The following HMX1 variants were observed in gnomAD, a reference collection of about 807,000 sequenced individuals.
HMX1 encodes H6 family homeobox 1.
A neutral mutation model predicts 8.9 loss-of-function variants in HMX1; 8 were observed. That is an observed-to-expected ratio of 0.90 (90% CI 0.53 to 1.63). The LOEUF (loss-of-function observed/expected upper bound fraction) is 1.63. Ranked by LOEUF, HMX1 falls within the 40% of genes most tolerant of loss-of-function variation. The pLI is 0.00. For missense variants in HMX1, 621 were observed against 558.5 expected, an observed-to-expected ratio of 1.11 and a Z score of -1.13; for synonymous variants, 311 against 283.4, an observed-to-expected ratio of 1.10 and a Z score of -0.98.
chr4:8,860,629 G>C (rs555438512), intron 1 of HMX1: 1 of 152,356 alleles, frequency 6.6e-6, no homozygotes, highest in African/African-American at 2.4e-5. Flanking sequence ...AAGACGCAAG[G>C]CGGCCCGCCG....
In HMX1 at chr4:8,868,135, C is replaced by G. The variant is rs772401366; in HGVS notation, c.605G>C (p.Arg202Pro). Residue 202 changes from arginine (R) to proline (P), a missense_variant, in exon 2 of 2, where the codon CGA (arginine) becomes CCA (proline). Arg to Pro is a moderately radical substitution (Grantham distance 103, BLOSUM62 -2). Transcript: ENST00000400677. The surrounding 1 kb of genome is among the most constrained non-coding windows in gnomAD (Gnocchi z 4.6). ...GAAGACTGTGCGCGTCTTCTTCTTT[C>G]GGCCGCCGCCCACGCCAACGCCGCC... ...TRGGVGVGGG[R>P]KKKTRTVFSR... is the part of the protein sequence containing the mutation. 3 of 1,510,658 alleles carry G rather than the reference C, an allele frequency of 2.0e-6. No homozygotes were observed. The highest frequency in any genetic ancestry group is 2.6e-6 in the Non-Finnish European group (3 of 1,134,376). The allele number at this position is 1,510,658 out of a possible 1,614,324, so 93.6% of individuals were successfully genotyped here. A position where few individuals can be genotyped will look rare whatever the true frequency, so the allele number is the denominator to read the frequency against.
chr4:8,859,769 T>C (rs1009506652), intron 1 of HMX1, among the ~76,000 whole-genome samples: 12 of 152,182 alleles, frequency 7.9e-5, no homozygotes, highest in Admixed American at 7.2e-4. Flanking sequence ...CCCTTCGTCA[T>C]CGTGGGAATA....
intron 1 of HMX1, among the ~76,000 whole-genome samples, chr4:8,859,363 C>T (rs540625791): frequency 6.6e-6 from 1 of 152,300 alleles, no homozygotes; most frequent in African/African-American, 2.4e-5. Flanking sequence ...GAACCTGGGC[C>T]TTACAGGTCT....
chr4:8,867,804 C>CGCGGGCGCG lies in HMX1; in HGVS notation c.927_935dup (p.Ala310_Ala312dup), dbSNP rs1190120761. On this transcript the variant is annotated inframe_insertion, in exon 2 of 2. Transcript: ENST00000400677. ...AGAAGCCGAGCAGCGGTGGGGGCGG[C>CGCGGGCGCG]GCGGGCGCGGCGGGCGCCAGCGGGA... is the stretch of plus-strand genomic sequence containing the variant. 30 of 1,229,088 alleles carry CGCGGGCGCG rather than the reference C, an allele frequency of 2.4e-5. No homozygotes were observed. Among genetic ancestry groups the CGCGGGCGCG allele is most frequent in the South Asian group, 3.9e-5 (1 of 25,510 alleles). The allele number at this position is 1,229,088 out of a possible 1,614,324, so 76.1% of individuals were successfully genotyped here.
At chr4:8,850,971 G>A (rs1721430897) in intron 1 of HMX1, among the ~76,000 whole-genome samples, 1 of 152,254 alleles carries the variant, frequency 6.6e-6, no homozygotes, top group Non-Finnish European at 1.5e-5. Context: ...CTCCCCCAGG[G>A]CAGGGAGTCT....
intron 1 of HMX1, among the ~76,000 whole-genome samples, chr4:8,851,951 G>A (rs146798495): frequency 1.3e-5 from 2 of 152,310 alleles, no homozygotes; most frequent in Non-Finnish European, 2.9e-5. Flanking sequence ...TCGAACCTGC[G>A]TCCTGTGTCA....
rs1722026667 is a variant in HMX1 at position 8,867,217 on chromosome 4, T to A, written c.*476A>T. On this transcript the variant is annotated 3_prime_UTR_variant, in exon 2 of 2. Transcript: ENST00000400677. ...TCTCCACCAGCACCCGCGAGAGGGG[T>A]AGCACAGCCCTCCGGGCCGGCCTGC... 11 of 985,792 alleles carry A rather than the reference T, an allele frequency of 1.1e-5. No homozygotes were observed. The highest frequency in any genetic ancestry group is 1.3e-5 in the Non-Finnish European group (11 of 830,256). The allele number at this position is 985,792 out of a possible 1,614,324, so 61.1% of individuals were successfully genotyped here. A position where few individuals can be genotyped will look rare whatever the true frequency, so the allele number is the denominator to read the frequency against.
downstream of HMX1, among the ~76,000 whole-genome samples, chr4:8,866,679 G>T (rs531405782): frequency 1.3e-5 from 2 of 152,366 alleles, no homozygotes; most frequent in South Asian, 4.1e-4. Flanking sequence ...TTCCATACCA[G>T]ATAGGAAATG....
chr4:8,867,777 G>A lies in HMX1; in HGVS notation c.963C>T (p.Ser321=). ...PAPPPPLLGF[S]GALAYPLAAF... is the part of the protein sequence containing the mutation. ...CGGCCAGCGGGTAGGCGAGGGCCCCGGAGAAGCCGAGCAGCGGTGGGGGCG... is the reference window on the plus strand; with the variant it reads ...CGGCCAGCGGGTAGGCGAGGGCCCCAGAGAAGCCGAGCAGCGGTGGGGGCG... The change falls in exon 2 of 2, where the codon TCC becomes TCT. Residue 321 remains serine (S), a synonymous_variant. Coordinates refer to ENST00000400677, the MANE Select transcript of HMX1 (RefSeq NM_018942.3). The A allele has an allele frequency of 1.6e-6, 2 of 1,269,914 alleles. No individual in the cohort carries two copies. The highest frequency in any genetic ancestry group is 2.0e-6 in the Non-Finnish European group (2 of 1,012,396). The allele number at this position is 1,269,914 out of a possible 1,614,324, so 78.7% of individuals were successfully genotyped here. A position where few individuals can be genotyped will look rare whatever the true frequency, so the allele number is the denominator to read the frequency against.
intron 1 of HMX1, among the ~76,000 whole-genome samples, chr4:8,856,780 T>C (rs1004902693): frequency 4.6e-5 from 7 of 152,134 alleles, no homozygotes; most frequent in African/African-American, 1.7e-4. Context: ...ACATACATCA[T>C]GAGGGAAAAT....
At chr4:8,861,685 A>AGAGGTGT (rs201262628) in intron 1 of HMX1, among the ~76,000 whole-genome samples, 4,091 of 152,256 alleles carry the variant, frequency 0.027, 198 homozygotes, top group African/African-American at 0.093. Flanking sequence ...AAACCCGAGG[A>AGAGGTGT]GGCCCACAGC....
rs749579218 is a variant in HMX1 at position 8,847,472 on chromosome 4, C to T, written c.395-1148G>A. ...TCTGTAACGGGATGCCGCCAACAGACGGAAGCCACTGAGCCCTGCTCTTCG... is the reference window on the plus strand; with the variant it reads ...TCTGTAACGGGATGCCGCCAACAGATGGAAGCCACTGAGCCCTGCTCTTCG... On this transcript the variant is annotated intron_variant, in intron 1 of 1. Transcript: ENST00000506970. The surrounding 1 kb of genome is among the most constrained non-coding windows in gnomAD (Gnocchi z 6.0). Among the ~76,000 whole-genome samples, 10 of 152,258 alleles carry T rather than the reference C, an allele frequency of 6.6e-5. No homozygotes were observed. The highest frequency in any genetic ancestry group is 1.3e-4 in the Admixed American group (2 of 15,296).
At chr4:8,846,259 A>G (rs1224608510) in exon 2 of HMX1, 1 of 1,534,966 alleles carries the variant, frequency 6.5e-7, no homozygotes, top group African/African-American at 1.4e-5. Flanking sequence ...TTCACTTTGT[A>G]TTTATCAGCT....
chr4:8,867,736 G>A lies in HMX1; in HGVS notation c.1004C>T (p.Ala335Val). Residue 335 changes from alanine (A) to valine (V), a missense_variant, in exon 2 of 2, where the codon GCC (alanine) becomes GTC (valine). Coordinates refer to ENST00000400677, the MANE Select transcript of HMX1 (RefSeq NM_018942.3). The stretch of plus-strand genomic sequence containing the variant: ...CTGCGCCCGCAGAAAGGGCACGGAG[G>A]CGGCGGCCGGGAAGGCGGCCAGCGG... ...AYPLAAFPAA[A>V]SVPFLRAQMP... 2 of 1,289,924 alleles carry A rather than the reference G, an allele frequency of 1.6e-6. No homozygotes were observed. Among genetic ancestry groups the A allele is most frequent in the South Asian group, 2.7e-5 (1 of 36,870 alleles). The allele number at this position is 1,289,924 out of a possible 1,614,324, so 79.9% of individuals were successfully genotyped here. A position where few individuals can be genotyped will look rare whatever the true frequency, so the allele number is the denominator to read the frequency against.
In HMX1 at chr4:8,868,077, G is replaced by C. The variant is rs1480679648; in HGVS notation, c.663C>G (p.Thr221=). 1 of 1,534,672 alleles carries C rather than the reference G, an allele frequency of 6.5e-7. No homozygotes were observed. The change falls in exon 2 of 2, where the codon ACC becomes ACG. Residue 221 remains threonine (T), a synonymous_variant. Coordinates refer to ENST00000400677, the MANE Select transcript of HMX1 (RefSeq NM_018942.3). This position sits in a 1 kb window ranked among gnomAD's most constrained non-coding sequence, Gnocchi z 4.6. ...SRSQVFQLES[T]FDLKRYLSSA... ...TGCTCAGGTAGCGCTTCAGGTCGAA[G>C]GTGGATTCCAGCTGGAAGACCTGGC...
chr4:8,856,522 C>T (rs997606729), intron 1 of HMX1, among the ~76,000 whole-genome samples: 36 of 152,058 alleles, frequency 2.4e-4, no homozygotes, highest in Non-Finnish European at 4.4e-5. Context: ...CTAGGTCTCT[C>T]TGAATTTAAA....
Position 8,868,238 on chromosome 4 carries a change from C to A in HMX1, c.502G>T (p.Ala168Ser). ...GTGCCGGCCGCCGGGCCACGCGCCG[C>A]CAGCTCCGCTGCCTCCCGCTGCACC... ...GAVQREAAEL[A>S]ARGPAAGTEE... The change falls in exon 2 of 2, where the codon GCG becomes TCG. Residue 168 changes from alanine (A) to serine (S), a missense_variant. Coordinates refer to ENST00000400677, the MANE Select transcript of HMX1 (RefSeq NM_018942.3). This position sits in a 1 kb window ranked among gnomAD's most constrained non-coding sequence, Gnocchi z 4.6. 7.0e-7 allele frequency: 1 copy of A among 1,436,146 alleles called. No individual in the cohort carries two copies. Among genetic ancestry groups the A allele is most frequent in the South Asian group, 1.4e-5 (1 of 70,916 alleles). The allele number at this position is 1,436,146 out of a possible 1,614,324, so 89.0% of individuals were successfully genotyped here.
Position 8,868,337 on chromosome 4 carries a change from G to T in HMX1, c.403C>A (p.Arg135=), listed in dbSNP as rs1259033166. ...TCCTCGCCCGTCTCCGGTGAGTCCC[G>T]GTCGCTGGCTGCAGGGGAGAGAGGG... ...GGGLSPDTSD[R]DSPETGEEMG... Residue 135 remains arginine (R), a synonymous_variant, in exon 2 of 2, where the codon CGG becomes AGG. Coordinates refer to ENST00000400677, the MANE Select transcript of HMX1 (RefSeq NM_018942.3). This position sits in a 1 kb window ranked among gnomAD's most constrained non-coding sequence, Gnocchi z 4.6. 2.9e-6 allele frequency: 4 copies of T among 1,384,486 alleles called. No individual in the cohort carries two copies. The African/African-American group carries it at 4.6e-5, about 16-fold the overall frequency. 85.8% of individuals were successfully genotyped at this position (1,384,486 alleles called of 1,614,324 possible).
chr4:8,849,145 C>T lies in HMX1; in HGVS notation c.395-2821G>A, dbSNP rs1321229867. Among the ~76,000 whole-genome samples the T allele has an allele frequency of 6.6e-6, 1 of 152,036 alleles. No individual in the cohort carries two copies. Among genetic ancestry groups the T allele is most frequent in the Non-Finnish European group, 1.5e-5 (1 of 68,026 alleles). ...GGGGGTATGAAGTGTGGGATGAAGC[C>T]TTTTCATGAGGTTGTGAGACGGGTC... On this transcript the variant is annotated intron_variant, in intron 1 of 1. Transcript: ENST00000506970. This position sits in a 1 kb window ranked among gnomAD's most constrained non-coding sequence, Gnocchi z 6.6.
Sources: allele counts gnomAD v4.1 joint callset (sites outside exome capture counted in the v4.1 genomes callset), GRCh38; gene constraint gnomAD v4.1.1; non-coding constraint Gnocchi (gnomAD v3.1); transcripts MANE v1.5; gene names NCBI Gene and HGNC (gene_info 2026-07-23, HGNC 2026-07-21).